SCN10A: variants seen among roughly 807,000 people sequenced by gnomAD.
The protein encoded by SCN10A is sodium voltage-gated channel alpha subunit 10.
In SCN10A, 162 loss-of-function variants were observed where a neutral mutation model predicts 170.7. The ratio of observed to expected loss-of-function variants is 0.95; its 90% CI spans 0.84 to 1.08. SCN10A has a LOEUF of 1.08. SCN10A is among the 50% of genes least tolerant of loss of function. The pLI, the probability that SCN10A is intolerant of heterozygous loss-of-function variation, is 0.00. For missense variants in SCN10A, 2,527 were observed against 2,436.9 expected, an observed-to-expected ratio of 1.04 and a Z score of -0.78; for synonymous variants, 985 against 904.6, an observed-to-expected ratio of 1.09 and a Z score of -1.59.
At chr3:38,742,239 C>T (rs1387065367) in intron 14 of SCN10A, 52 bp downstream of exon 14, 3 of 1,401,842 alleles carry the variant, frequency 2.1e-6, no homozygotes, top group African/African-American at 2.8e-5. Flanking sequence ...TGCCATCATC[C>T]CCACCCCGCC....
At chr3:38,703,494 C>T (rs573635982) in intron 26 of SCN10A, among the ~76,000 whole-genome samples, 35 of 152,350 alleles carry the variant, frequency 2.3e-4, no homozygotes, top group African/African-American at 7.7e-4. Flanking sequence ...CCCACATCAA[C>T]AGAGCTTTTG....
chr3:38,771,574 C>A (rs973547576), intron 4 of SCN10A, among the ~76,000 whole-genome samples, 167 bp from the exon 5 acceptor site: 4 of 152,142 alleles, frequency 2.6e-5, no homozygotes, highest in Admixed American at 6.5e-5. Flanking sequence ...GGAAACAAGA[C>A]ACAGACTGAG....
At chr3:38,754,028 G>A (rs1038553810) in intron 11 of SCN10A, among the ~76,000 whole-genome samples, 1 of 152,198 alleles carries the variant, frequency 6.6e-6, no homozygotes, top group African/African-American at 2.4e-5. Context: ...GGAAAAGAGG[G>A]AGAGGATGCC....
intron 12 of SCN10A, among the ~76,000 whole-genome samples, chr3:38,751,282 AG>A (rs976101309): frequency 1.3e-5 from 2 of 152,178 alleles, no homozygotes; most frequent in Middle Eastern, 3.2e-3. Flanking sequence ...CCTTCAGCCT[AG>A]GCATGTAACA....
At chr3:38,699,118 G>A (rs531749825) in intron 27 of SCN10A, among the ~76,000 whole-genome samples, 1 of 152,158 alleles carries the variant, frequency 6.6e-6, no homozygotes, top group South Asian at 2.1e-4. Flanking sequence ...TTACAAGGGG[G>A]CCTGAGGATT....
chr3:38,725,859 TAAC>T (rs2063448541), intron 17 of SCN10A, among the ~76,000 whole-genome samples: 1 of 152,188 alleles, frequency 6.6e-6, no homozygotes, highest in Non-Finnish European at 1.5e-5. Context: ...TGGCAGCTGA[TAAC>T]AGCAGCTGCT....
chr3:38,752,665 A>G (rs1182771285), intron 11 of SCN10A, among the ~76,000 whole-genome samples, 153 bp from the exon 12 acceptor site: 1 of 152,186 alleles, frequency 6.6e-6, no homozygotes, highest in Non-Finnish European at 1.5e-5. Flanking sequence ...GGGGTATTCT[A>G]GGTATGCATG....
At position 38,702,082 on chromosome 3, in the gene SCN10A, T is replaced by A; in HGVS notation, c.4414A>T (p.Ile1472Phe). Residue 1472 changes from isoleucine to phenylalanine, a missense_variant, in exon 27 of 28, where the codon ATC becomes TTC. By Grantham distance (21) the Ile-to-Phe change is conservative. Coordinates refer to ENST00000449082, the MANE Select transcript of SCN10A (RefSeq NM_006514.4). ...ATGTCAAAAGCTTGTCTGGTCACGA[T>A]GTCAAAGACAAAACCCTGGAACTTG... ...LNKFQGFVFD[I>F]VTRQAFDITI... is the part of the protein sequence containing the mutation. 6.4e-7 allele frequency: 1 copy of A among 1,570,648 alleles called. No individual in the cohort carries two copies. The highest frequency in any genetic ancestry group is 1.2e-5 in the South Asian group (1 of 82,884).
intron 1 of SCN10A, among the ~76,000 whole-genome samples, chr3:38,809,229 T>C (rs1271925297): frequency 2.0e-5 from 3 of 152,240 alleles, no homozygotes; most frequent in Admixed American, 1.3e-4. Context: ...GTGATTGGTC[T>C]GTTTAGTTGC....
At chr3:38,722,788 G>A (rs2063408323) in intron 19 of SCN10A, among the ~76,000 whole-genome samples, 1 of 152,228 alleles carries the variant, frequency 6.6e-6, no homozygotes, top group Non-Finnish European at 1.5e-5. Context: ...CCACGACGTG[G>A]CTGGGATGGG....
chr3:38,703,493 A>G (rs2063178320), intron 26 of SCN10A, among the ~76,000 whole-genome samples: 2 of 152,228 alleles, frequency 1.3e-5, no homozygotes, highest in African/African-American at 4.8e-5. Context: ...GCCCACATCA[A>G]CAGAGCTTTT....
At chr3:38,796,528 A>G (rs757569924) in intron 1 of SCN10A, among the ~76,000 whole-genome samples, 1 of 152,158 alleles carries the variant, frequency 6.6e-6, no homozygotes, top group East Asian at 1.9e-4. Flanking sequence ...ATAGCACTCA[A>G]GATAACCCAA....
In SCN10A at chr3:38,771,319, C is replaced by T; in HGVS notation, c.559G>A (p.Asp187Asn). The change falls in exon 5 of 28, where the codon GAT becomes AAT. Residue 187 changes from aspartate (D) to asparagine (N), a missense_variant. By Grantham distance (23) the Asp-to-Asn change is conservative. Coordinates refer to ENST00000449082, the MANE Select transcript of SCN10A (RefSeq NM_006514.4). ...CTAAAATCCAGCCAGTTCCAAGGATCTCTCAGGTACGTGAACTCATTTAGA... is the reference window on the plus strand; with the variant it reads ...CTAAAATCCAGCCAGTTCCAAGGATTTCTCAGGTACGTGAACTCATTTAGA... ...FCLNEFTYLR[D>N]PWNWLDFSVI... 6.2e-7 allele frequency: 1 copy of T among 1,614,150 alleles called. No homozygotes were observed. The highest frequency in any genetic ancestry group is 8.5e-7 in the Non-Finnish European group (1 of 1,180,000).
At chr3:38,753,004 C>T (rs1251510618) in intron 11 of SCN10A, among the ~76,000 whole-genome samples, 1 of 152,160 alleles carries the variant, frequency 6.6e-6, no homozygotes, top group East Asian at 1.9e-4. Context: ...CATTAGATCC[C>T]ATCTGTATGA....
intron 4 of SCN10A, among the ~76,000 whole-genome samples, chr3:38,781,166 C>T (rs1294399481): frequency 6.6e-6 from 1 of 151,906 alleles, no homozygotes; most frequent in Non-Finnish European, 1.5e-5. Flanking sequence ...TTGTGATGTG[C>T]GATAAAAAGT....
At chr3:38,730,452 T>C (rs2063502808) in intron 15 of SCN10A, among the ~76,000 whole-genome samples, 1 of 152,164 alleles carries the variant, frequency 6.6e-6, no homozygotes, top group Admixed American at 6.5e-5. Flanking sequence ...TCAAAAATTG[T>C]TTAAGAGTTG....
chr3:38,789,158 T>C lies in SCN10A; in HGVS notation c.390-122A>G, dbSNP rs2064247840. 8 of 678,098 alleles carry C rather than the reference T, an allele frequency of 1.2e-5. No homozygotes were observed. The South Asian group carries it at 1.4e-4, about 12-fold the overall frequency. 42.0% of individuals were successfully genotyped at this position (678,098 alleles called of 1,614,324 possible). On this transcript the variant is annotated intron_variant, in intron 3 of 27. Transcript: ENST00000449082. The stretch of plus-strand genomic sequence containing the variant: ...AGCCAATATTAGCTTTATGATCTTG[T>C]CACATAATAACCACTAACATTTACT...
chr3:38,728,320 G>A (rs1427669622), intron 16 of SCN10A, among the ~76,000 whole-genome samples: 1 of 152,162 alleles, frequency 6.6e-6, no homozygotes, highest in African/African-American at 2.4e-5. Context: ...TTCTACACCA[G>A]GTCTTTCTTT....
Position 38,757,073 on chromosome 3 carries a change from A to G in SCN10A, c.1037T>C (p.Phe346Ser). The change falls in exon 9 of 28, where the codon TTC becomes TCC. Residue 346 changes from phenylalanine to serine, a missense_variant. Transcript: ENST00000449082. ...TGTCATGAGGCGGAACAGTGAGAGG[A>G]AAGCCCAAGCAAAGGAATCAAAGCT... ...YTSFDSFAWA[F>S]LSLFRLMTQD... The G allele has an allele frequency of 6.2e-7, 1 of 1,613,936 alleles. No homozygotes were observed. The highest frequency in any genetic ancestry group is 1.1e-5 in the South Asian group (1 of 91,028).
Sources: gnomAD v4.1 joint callset for allele counts (sites outside exome capture counted in the v4.1 genomes callset) on GRCh38, gnomAD v4.1.1 for gene constraint, MANE v1.5 for transcripts, NCBI Gene and HGNC (gene_info 2026-07-23, HGNC 2026-07-21) for gene names.